COG6: variants seen among roughly 807,000 people sequenced by gnomAD.
The protein encoded by COG6 is conserved oligomeric Golgi complex subunit 6.
In COG6, 74 loss-of-function variants were observed where a neutral mutation model predicts 88.8. That is an observed-to-expected ratio of 0.83 (90% CI 0.69 to 1.01). The LOEUF is 1.01. Among genes scored for constraint, COG6 ranks in the 50% least tolerant of loss-of-function variants. The probability of loss-of-function intolerance (pLI) is 0.00; values close to 1 mark genes in which losing one functional copy is unlikely to be tolerated. For synonymous variants in COG6, 286 were observed against 278.7 expected (o/e 1.03, Z -0.26); for missense variants, 800 against 797.9 (o/e 1.00, Z -0.03).
intron 18 of COG6, among the ~76,000 whole-genome samples, chr13:39,783,608 C>T (rs775745342): frequency 2.6e-5 from 4 of 152,116 alleles, no homozygotes; most frequent in Non-Finnish European, 5.9e-5. Context: ...TTGAAAAGGA[C>T]AATACTTCCC....
chr13:39,783,679 T>C (rs1252386619), intron 18 of COG6, among the ~76,000 whole-genome samples: 2 of 152,166 alleles, frequency 1.3e-5, no homozygotes, highest in African/African-American at 2.4e-5. Context: ...TATTCAATAT[T>C]ATAAAATACA....
At chr13:39,775,011 A>G in intron 18 of COG6, among the ~76,000 whole-genome samples, 1 of 152,244 alleles carries the variant, frequency 6.6e-6, no homozygotes, top group East Asian at 1.9e-4. Context: ...TACAAAAATG[A>G]CAATGAAATA....
At position 39,751,177 on chromosome 13, in the gene COG6, A is replaced by T. The variant is rs554764082; in HGVS notation, c.*84A>T. The T allele has an allele frequency of 6.6e-5, 103 of 1,557,210 alleles. No individual in the cohort carries two copies. The highest frequency in any genetic ancestry group is 3.6e-4 in the Admixed American group (19 of 53,282). The stretch of plus-strand genomic sequence containing the variant: ...TTTATTCTTTGAATTTTTACTCTAT[A>T]ATTTGATAGTTACAGTTTTCTTTGT... On this transcript the variant is annotated 3_prime_UTR_variant, in exon 19 of 19. Transcript: ENST00000455146.
chr13:39,659,883 T>G (rs536988973), intron 2 of COG6, among the ~76,000 whole-genome samples: 1 of 152,346 alleles, frequency 6.6e-6, no homozygotes, highest in Non-Finnish European at 1.5e-5. Flanking sequence ...GAGTTACTTT[T>G]ACTATATCCT....
At chr13:39,788,538 T>C (rs1048155574) in exon 19 of COG6, 6 of 612,296 alleles carry the variant, frequency 9.8e-6, no homozygotes, top group Non-Finnish European at 1.5e-5. Flanking sequence ...ATGAACCAAA[T>C]GGAAACTCAG....
At chr13:39,657,318 C>T (rs960920285) in intron 1 of COG6, among the ~76,000 whole-genome samples, 2 of 152,162 alleles carry the variant, frequency 1.3e-5, no homozygotes, top group African/African-American at 4.8e-5. Context: ...AGGCGTGAAC[C>T]ACTGCGCCCG....
rs923074118 is a variant in COG6, at chr13:39,709,868, A to G, written c.1285-9368A>G. On this transcript the variant is annotated intron_variant, in intron 13 of 18. Coordinates refer to ENST00000455146, the MANE Select transcript of COG6 (RefSeq NM_020751.3). ...GTGGATATACACTTGATCCAGCACC[A>G]TTTATTGTAAAGGCCATCCATTCCC... Among the ~76,000 whole-genome samples, 8 of 152,300 alleles carry G rather than the reference A, an allele frequency of 5.3e-5. No homozygotes were observed. In the South Asian group the frequency reaches 6.2e-4, roughly 12 times the overall value.
chr13:39,716,225 TTTATC>T (rs914295189), intron 13 of COG6, among the ~76,000 whole-genome samples: 1 of 152,020 alleles, frequency 6.6e-6, no homozygotes, highest in Non-Finnish European at 1.5e-5. Context: ...GATTGACCCT[TTTATC>T]ATTATCAGAA....
chr13:39,751,331 GCCATCTCT>G lies in COG6; in HGVS notation c.*242_*249del. On this transcript the variant is annotated 3_prime_UTR_variant, in exon 19 of 19. Transcript: ENST00000455146. ...AATGAGATGATCTATTTTTTTGCTAGCCATCTCTCCAGCTCTGCAGTTTTCACTGTATT... is the reference window on the plus strand; with the variant it reads ...AATGAGATGATCTATTTTTTTGCTAGCCAGCTCTGCAGTTTTCACTGTATT... 6.8e-7 allele frequency: 1 copy of G among 1,460,934 alleles called. No individual in the cohort carries two copies. Among genetic ancestry groups the G allele is most frequent in the Non-Finnish European group, 9.1e-7 (1 of 1,102,590 alleles). The allele number at this position is 1,460,934 out of a possible 1,614,324, so 90.5% of individuals were successfully genotyped here.
intron 18 of COG6, among the ~76,000 whole-genome samples, chr13:39,777,012 A>T (rs1881483515): frequency 6.6e-6 from 1 of 152,322 alleles, no homozygotes; most frequent in Non-Finnish European, 1.5e-5. Flanking sequence ...TAGATAGGTG[A>T]GAAGTAACAA....
intron 18 of COG6, among the ~76,000 whole-genome samples, chr13:39,779,984 C>T (rs1263702142): frequency 6.6e-6 from 1 of 152,286 alleles, no homozygotes; most frequent in East Asian, 1.9e-4. Flanking sequence ...AAGAAACTTG[C>T]TGATGGATGA....
At chr13:39,674,793 A>G (rs938025266) in intron 4 of COG6, among the ~76,000 whole-genome samples, 3 of 152,158 alleles carry the variant, frequency 2.0e-5, no homozygotes, top group Admixed American at 6.6e-5. Flanking sequence ...GATGCTATAT[A>G]CACCACCACT....
chr13:39,718,999 A>T (rs1042053552), intron 13 of COG6, among the ~76,000 whole-genome samples: 12 of 152,134 alleles, frequency 7.9e-5, no homozygotes, highest in African/African-American at 2.9e-4. Flanking sequence ...TTTCAAATTA[A>T]TTTTTTGAAT....
rs1347701158 is a variant in COG6 at position 39,687,748 on chromosome 13, G to A, written c.958G>A (p.Ala320Thr). Residue 320 changes from alanine (A) to threonine (T), a missense_variant, in exon 10 of 19, where the codon GCT becomes ACT. Ala to Thr is a moderately conservative substitution (Grantham distance 58). Transcript: ENST00000455146. The stretch of plus-strand genomic sequence containing the variant: ...GTTGGCTTGGCTCCATCAAGCTACT[G>A]CTTCTGAAAAGGAACACCTTGAAGC... ...DMLAWLHQAT[A>T]SEKEHLEALL... 2.1e-5 allele frequency: 34 copies of A among 1,613,938 alleles called. No homozygotes were observed. Among genetic ancestry groups the A allele is most frequent in the Non-Finnish European group, 2.5e-5 (29 of 1,180,004 alleles).
At chr13:39,702,130 G>A (rs558961711) in intron 13 of COG6, among the ~76,000 whole-genome samples, 2 of 152,022 alleles carry the variant, frequency 1.3e-5, no homozygotes, top group South Asian at 4.2e-4. Flanking sequence ...ACATAAATTG[G>A]TAAAATGTGA....
chr13:39,669,562 A>G (rs1232255673), intron 4 of COG6, among the ~76,000 whole-genome samples: 1 of 152,202 alleles, frequency 6.6e-6, no homozygotes, highest in Non-Finnish European at 1.5e-5. Context: ...CTGCTATTTT[A>G]CAGATTCAAT....
At chr13:39,733,596 T>G (rs1879576439) in intron 18 of COG6, among the ~76,000 whole-genome samples, 1 of 143,022 alleles carries the variant, frequency 7.0e-6, no homozygotes, top group Non-Finnish European at 1.5e-5. Context: ...TGTTGTACTG[T>G]TTTTTTTTTT....
chr13:39,728,625 G>C (rs1267334373), intron 18 of COG6, among the ~76,000 whole-genome samples: 1 of 151,408 alleles, frequency 6.6e-6, no homozygotes, highest in South Asian at 2.1e-4. Flanking sequence ...AGACTTAAGA[G>C]ATTACCAAAG....
intron 4 of COG6, among the ~76,000 whole-genome samples, chr13:39,667,352 C>T (rs995684958): frequency 3.3e-5 from 5 of 152,126 alleles, no homozygotes; most frequent in African/African-American, 7.2e-5. Flanking sequence ...CACTTTTACC[C>T]GTTGTGTGTT....
Sources: allele counts gnomAD v4.1 joint callset (sites outside exome capture counted in the v4.1 genomes callset), GRCh38; gene constraint gnomAD v4.1.1; transcripts MANE v1.5; gene names NCBI Gene and HGNC (gene_info 2026-07-23, HGNC 2026-07-21).